The following TDP1 variants were observed in gnomAD, a reference collection of about 807,000 sequenced individuals.
TDP1 encodes the protein tyr-DNA phosphodiesterase 1.
TDP1 carries 64 observed loss-of-function variants against 81.5 expected under a neutral mutation model. That is an observed-to-expected ratio of 0.79 (90% CI 0.64 to 0.97). The LOEUF is 0.97. Among genes scored for constraint, TDP1 ranks in the 50% least tolerant of loss-of-function variants. The probability of loss-of-function intolerance (pLI) is 0.00; values close to 1 mark genes in which losing one functional copy is unlikely to be tolerated. For synonymous variants in TDP1, 256 were observed against 264.3 expected, an observed-to-expected ratio of 0.97 and a Z score of 0.30; for missense variants, 723 against 743.8, an observed-to-expected ratio of 0.97 and a Z score of 0.33.
At chr14:89,993,707 T>A (rs1354048680) in intron 14 of TDP1, among the ~76,000 whole-genome samples, 1 of 152,208 alleles carries the variant, frequency 6.6e-6, no homozygotes, top group Non-Finnish European at 1.5e-5. Flanking sequence ...TTTATCAGAT[T>A]TGCATAAAGT....
chr14:89,965,827 A>T, intron 3 of TDP1: 1 of 984,972 alleles, frequency 1.0e-6, no homozygotes, highest in African/African-American at 1.7e-5. Context: ...TGGAGGAGGT[A>T]GAAGTTCAGA....
intron 14 of TDP1, among the ~76,000 whole-genome samples, chr14:90,003,031 G>A (rs1326731092): frequency 6.6e-6 from 1 of 152,014 alleles, no homozygotes; most frequent in South Asian, 2.1e-4. Flanking sequence ...TCCGCCTCCC[G>A]GGTTCAAGCG....
intron 12 of TDP1, among the ~76,000 whole-genome samples, chr14:89,989,987 T>A: frequency 6.6e-6 from 1 of 152,134 alleles, no homozygotes; most frequent in Non-Finnish European, 1.5e-5. Context: ...TAGTTTTCAT[T>A]TTTACCAGTA....
At chr14:89,984,324 G>A in intron 8 of TDP1, 192 bp from the exon 9 acceptor site, 1 of 985,340 alleles carries the variant, frequency 1.0e-6, no homozygotes, top group Non-Finnish European at 1.2e-6. Context: ...AAGACATTCA[G>A]GAATAATTCT....
intron 13 of TDP1, chr14:89,993,080 TG>T: frequency 1.1e-6 from 1 of 899,008 alleles, no homozygotes; most frequent in Non-Finnish European, 1.3e-6. Flanking sequence ...TATACACACA[TG>T]CTGTTAAAAG....
chr14:90,007,104 T>C (rs1170602218), intron 14 of TDP1, among the ~76,000 whole-genome samples: 1 of 152,216 alleles, frequency 6.6e-6, no homozygotes, highest in Non-Finnish European at 1.5e-5. Context: ...ATAAGTTTAC[T>C]CATTTCTTTG....
intron 7 of TDP1, 108 bp from the exon 8 acceptor site, chr14:89,980,432 T>C (rs1894837040): frequency 1.3e-5 from 19 of 1,418,256 alleles, no homozygotes; most frequent in Non-Finnish European, 1.7e-5. Context: ...TTGGGTAATA[T>C]GAGAGTTTAA....
chr14:89,987,504 G>A (rs1043858038), intron 10 of TDP1, among the ~76,000 whole-genome samples: 10 of 152,212 alleles, frequency 6.6e-5, no homozygotes, highest in African/African-American at 2.4e-4. Context: ...ACTTTTAAAA[G>A]GGGCCTAGCA....
chr14:89,967,613 C>T (rs1050147780), intron 5 of TDP1, among the ~76,000 whole-genome samples, 191 bp downstream of exon 5: 2 of 152,166 alleles, frequency 1.3e-5, no homozygotes, highest in African/African-American at 4.8e-5. Context: ...ATTCTTTTTA[C>T]GGATTTTAGC....
chr14:89,963,244 C>T lies in TDP1; in HGVS notation c.130C>T (p.Pro44Ser). The T allele has an allele frequency of 6.2e-7, 1 of 1,614,140 alleles. No individual in the cohort carries two copies. The change falls in exon 3 of 17, where the codon CCC becomes TCC. Residue 44 changes from proline to serine, a missense_variant. Pro to Ser is a moderately conservative substitution (Grantham distance 74). Transcript: ENST00000335725. ...LCARQGAANE[P>S]RYTCSEAQKA... ...TGCCAGGCAAGGAGCAGCAAATGAG[C>T]CCAGGTACACCTGTTCCGAGGCCCA...
intron 15 of TDP1, among the ~76,000 whole-genome samples, chr14:90,020,509 G>GTCCC (rs1359231929): frequency 6.5e-4 from 5 of 7,686 alleles, no homozygotes; most frequent in African/African-American, 2.2e-3. Flanking sequence ...CCTCCCTTCC[G>GTCCC]TCCCTCCCTC....
rs11846329 is a variant in TDP1, at chr14:90,018,750, C to T, written c.1542-566C>T. On this transcript the variant is annotated intron_variant, in intron 14 of 16. Coordinates refer to ENST00000335725, the MANE Select transcript of TDP1 (RefSeq NM_018319.4). ...GTGAGCCACCATGCCTGGCTTGTAC[C>T]ATGATTTTTTTAGCCACAACTCTTT... is the stretch of plus-strand genomic sequence containing the variant. Among the ~76,000 whole-genome samples the T allele has an allele frequency of 9.0e-3, 1,368 of 152,230 alleles. 19 individuals are homozygous for T. Among genetic ancestry groups the T allele is most frequent in the African/African-American group, 0.03 (1,250 of 41,538 alleles).
intron 5 of TDP1, among the ~76,000 whole-genome samples, chr14:89,968,955 A>T (rs1246550725): frequency 2.6e-5 from 4 of 152,246 alleles, no homozygotes; most frequent in Admixed American, 6.5e-5. Flanking sequence ...ATTAGGATGG[A>T]CATTAATCCA....
rs138044459 is a variant in TDP1 at position 89,988,938 on chromosome 14, G to A, written c.1165G>A (p.Ala389Thr). The change falls in exon 11 of 17, where the codon GCA becomes ACA. Residue 389 changes from alanine to threonine, a missense_variant. By Grantham distance (58) the Ala-to-Thr change is moderately conservative. Transcript: ENST00000335725. ...LKDHASSMPN[A>T]ESWPVVGQFS... ...AGACCATGCCTCATCCATGCCTAAC[G>A]CAGAGTCCTGGCCTGTCGTAGGTCA... The A allele has an allele frequency of 3.4e-4, 552 of 1,614,052 alleles. 1 individual carries two copies. The African/African-American group carries it at 5.2e-3, about 15-fold the overall frequency.
intron 15 of TDP1, chr14:90,022,981 C>T (rs1193797104): frequency 2.3e-5 from 17 of 745,880 alleles, no homozygotes; most frequent in Non-Finnish European, 3.2e-5. Flanking sequence ...GGACTACCCA[C>T]CTCCATACTC....
In TDP1 at chr14:90,043,221, C is replaced by A; in HGVS notation, c.*78C>A. 1 of 1,572,352 alleles carries A rather than the reference C, an allele frequency of 6.4e-7. No homozygotes were observed. Among genetic ancestry groups the A allele is most frequent in the Non-Finnish European group, 8.7e-7 (1 of 1,146,100 alleles). ...GAATCTCTTCTTTGTACTGGATGTCCACTTCCCTTAAAGTCTTATTTGCAC... is the reference window on the plus strand; with the variant it reads ...GAATCTCTTCTTTGTACTGGATGTCAACTTCCCTTAAAGTCTTATTTGCAC... On this transcript the variant is annotated 3_prime_UTR_variant, in exon 17 of 17. Coordinates refer to ENST00000335725, the MANE Select transcript of TDP1 (RefSeq NM_018319.4).
intron 15 of TDP1, among the ~76,000 whole-genome samples, chr14:90,030,610 T>G (rs1267054819): frequency 6.6e-6 from 1 of 152,248 alleles, no homozygotes; most frequent in Admixed American, 6.5e-5. Context: ...GTTGTGCCAT[T>G]TGCTCTTATG....
intron 6 of TDP1, 192 bp from the exon 7 acceptor site, chr14:89,975,589 T>G (rs1007071896): frequency 3.8e-4 from 278 of 726,568 alleles, no homozygotes; most frequent in Non-Finnish European, 4.3e-4. Flanking sequence ...GTGTTTTTTT[T>G]TTTTTTTTTT....
rs35180974 is a variant in TDP1, at chr14:89,989,843, C to G, written c.1366+78C>G. Reference sequence around the variant, plus strand: ...TCCTGGTAAAGTTTTACTACTATTGCGTAGAAATTTGGAGATGGTTTTCAC... The same window carrying G: ...TCCTGGTAAAGTTTTACTACTATTGGGTAGAAATTTGGAGATGGTTTTCAC... On this transcript the variant is annotated intron_variant, in intron 12 of 16. Transcript: ENST00000335725. 12,180 of 1,173,494 alleles carry G rather than the reference C, an allele frequency of 0.01. 868 individuals are homozygous for G. The African/African-American group carries it at 0.16, about 15-fold the overall frequency. 72.7% of individuals were successfully genotyped at this position (1,173,494 alleles called of 1,614,324 possible).
Sources: gnomAD v4.1 joint callset for allele counts (sites outside exome capture counted in the v4.1 genomes callset) on GRCh38, gnomAD v4.1.1 for gene constraint, MANE v1.5 for transcripts, NCBI Gene and HGNC (gene_info 2026-07-23, HGNC 2026-07-21) for gene names.